Variants in RO60 observed in about 807,000 individuals in gnomAD.
RO60 encodes the protein Ro60, Y RNA binding protein, also known as RNA-binding protein RO60.
In RO60, 20 loss-of-function variants were observed where a neutral mutation model predicts 55.3. That is an observed-to-expected ratio of 0.36 (90% CI 0.25 to 0.53). The LOEUF (loss-of-function observed/expected upper bound fraction) is 0.53. Ranked by LOEUF, RO60 falls within the 20% of genes least tolerant of loss-of-function variation. The pLI, the probability that RO60 is intolerant of heterozygous loss-of-function variation, is 0.92. For synonymous variants in RO60, 213 were observed against 213.6 expected, an observed-to-expected ratio of 1.00 and a Z score of 0.02; for missense variants, 558 against 646.6, an observed-to-expected ratio of 0.86 and a Z score of 1.49.
chr1:193,068,733 G>A (rs1179826794), intron 1 of RO60, among the ~76,000 whole-genome samples: 1 of 152,122 alleles, frequency 6.6e-6, no homozygotes, highest in Non-Finnish European at 1.5e-5. Context: ...GCTGTGAAGG[G>A]CTTTTAGTTT....
At chr1:193,060,383 C>T (rs895925843) in intron 1 of RO60, 1 of 243,060 alleles carries the variant, frequency 4.1e-6, no homozygotes, top group Non-Finnish European at 8.3e-6. Flanking sequence ...TACTAAATTG[C>T]CCTCATTCAG....
At chr1:193,066,811 A>C (rs1673139402) in intron 1 of RO60, among the ~76,000 whole-genome samples, 1 of 152,168 alleles carries the variant, frequency 6.6e-6, no homozygotes, top group African/African-American at 2.4e-5. Flanking sequence ...TTATGGCTCT[A>C]CAGGATGCTT....
chr1:193,061,553 A>G (rs1672736535), intron 1 of RO60, among the ~76,000 whole-genome samples: 1 of 152,384 alleles, frequency 6.6e-6, no homozygotes, highest in Middle Eastern at 3.4e-3. Context: ...GATACTGTAT[A>G]TGCTGTAGTT....
At position 193,076,484 on chromosome 1, in the gene RO60, C is replaced by T; in HGVS notation, c.802-17C>T. ...TTCCCTTAATTCCTGGTATTTCTGC[C>T]TATGTTATTGCAATAGGTATGGAAG... On this transcript the variant is annotated splice_polypyrimidine_tract_variant and intron_variant, in intron 3 of 8. Transcript: ENST00000400968. 1 of 1,604,366 alleles carries T rather than the reference C, an allele frequency of 6.2e-7. No individual in the cohort carries two copies.
intron 2 of RO60, among the ~76,000 whole-genome samples, chr1:193,071,629 CT>C (rs1270432678): frequency 6.6e-6 from 1 of 151,760 alleles, no homozygotes; most frequent in Non-Finnish European, 1.5e-5. Context: ...CATTTGAACA[CT>C]TAACTGTTGT....
rs1051505802 is a variant in RO60, at chr1:193,089,586, T to C, written c.*4855T>C. 2 of 152,112 alleles carry C rather than the reference T, an allele frequency of 1.3e-5. No individual in the cohort carries two copies. The highest frequency in any genetic ancestry group is 6.5e-5 in the Admixed American group (1 of 15,276). 9.4% of individuals were successfully genotyped at this position (152,112 alleles called of 1,614,324 possible). On this transcript the variant is annotated 3_prime_UTR_variant, in exon 9 of 9. Coordinates refer to ENST00000400968, the MANE Select transcript of RO60 (RefSeq NM_001173524.2). ...TAAACCCTGAAAATACCAAGTTATA[T>C]TGGAAAATAGTGGAAAGAAAAAACT...
At chr1:193,083,293 T>A (rs567914526) in intron 8 of RO60, among the ~76,000 whole-genome samples, 1 of 152,346 alleles carries the variant, frequency 6.6e-6, no homozygotes, top group African/African-American at 2.4e-5. Flanking sequence ...AAGTTTTTTT[T>A]AATAATTCAG....
chr1:193,076,446 A>G, intron 3 of RO60, 55 bp from the exon 4 acceptor site: 2 of 1,569,866 alleles, frequency 1.3e-6, no homozygotes, highest in Non-Finnish European at 1.7e-6. Context: ...TAGGTATGTT[A>G]TACTGATTTA....
intron 5 of RO60, among the ~76,000 whole-genome samples, chr1:193,079,332 G>A (rs961222770): frequency 6.6e-5 from 10 of 151,946 alleles, no homozygotes; most frequent in African/African-American, 2.2e-4. Context: ...CAAGTGATCC[G>A]CCCACCTTGG....
rs1674631644 is a variant in RO60 at position 193,086,536 on chromosome 1, A to G, written c.*1805A>G. On this transcript the variant is annotated 3_prime_UTR_variant, in exon 9 of 9. Transcript: ENST00000400968. ...CGTTCAGATTGAATTTAAAGTTTAA[A>G]GAAACTAATAGAATTACGTAATAGT... 6.6e-6 allele frequency: 1 copy of G among 152,198 alleles called. No individual in the cohort carries two copies. Among genetic ancestry groups the G allele is most frequent in the Non-Finnish European group, 1.5e-5 (1 of 68,004 alleles). The allele number at this position is 152,198 out of a possible 1,614,324, so 9.4% of individuals were successfully genotyped here.
chr1:193,060,173 G>A (rs1672437596), intron 1 of RO60: 1 of 1,091,212 alleles, frequency 9.2e-7, no homozygotes, highest in Non-Finnish European at 1.2e-6. Flanking sequence ...GATCTTTGTG[G>A]GAAGACAGGG....
intron 1 of RO60, among the ~76,000 whole-genome samples, chr1:193,061,016 G>A (rs1423896662): frequency 1.3e-5 from 2 of 152,122 alleles, no homozygotes; most frequent in Non-Finnish European, 2.9e-5. Context: ...ATTGTAGAAA[G>A]ACCAAACTGA....
At position 193,085,487 on chromosome 1, in the gene RO60, T is replaced by C. The variant is rs1019282414; in HGVS notation, c.*756T>C. On this transcript the variant is annotated 3_prime_UTR_variant, in exon 9 of 9. Coordinates refer to ENST00000400968, the MANE Select transcript of RO60 (RefSeq NM_001173524.2). ...TGTTATATTTTATTGCTACAAGGGG[T>C]GTGACTTGATAATGATTTCCTCTGA... 3 of 983,898 alleles carry C rather than the reference T, an allele frequency of 3.0e-6. No individual in the cohort carries two copies. The highest frequency in any genetic ancestry group is 3.6e-6 in the Non-Finnish European group (3 of 829,610). 60.9% of individuals were successfully genotyped at this position (983,898 alleles called of 1,614,324 possible). A position where few individuals can be genotyped will look rare whatever the true frequency, so the allele number is the denominator to read the frequency against.
At position 193,088,231 on chromosome 1, in the gene RO60, C is replaced by G. The variant is rs111960034; in HGVS notation, c.*3500C>G. On this transcript the variant is annotated 3_prime_UTR_variant, in exon 9 of 9. Coordinates refer to ENST00000400968, the MANE Select transcript of RO60 (RefSeq NM_001173524.2). ...CTCACTGTGTTGCCCAGGCTGGTGT[C>G]AAACTCCTGGGCTCAAGGGATCTTC... 3.2e-5 allele frequency: 4 copies of G among 126,948 alleles called. No individual in the cohort carries two copies. Among genetic ancestry groups the G allele is most frequent in the African/African-American group, 9.0e-5 (3 of 33,204 alleles). 7.9% of individuals were successfully genotyped at this position (126,948 alleles called of 1,614,324 possible).
rs1240020505 is a variant in RO60, at chr1:193,091,035, GTTTT to G, written c.*6307_*6310del. ...CAGTAATATTTTATGATAGTTTAAG[GTTTT>G]TTATTGTTTTCTATAACAAGTTATC... is the stretch of plus-strand genomic sequence containing the variant. On this transcript the variant is annotated 3_prime_UTR_variant, in exon 9 of 9. Coordinates refer to ENST00000400968, the MANE Select transcript of RO60 (RefSeq NM_001173524.2). 1 of 152,154 alleles carries G rather than the reference GTTTT, an allele frequency of 6.6e-6. No homozygotes were observed. Among genetic ancestry groups the G allele is most frequent in the Non-Finnish European group, 1.5e-5 (1 of 68,016 alleles). The allele number at this position is 152,154 out of a possible 1,614,324, so 9.4% of individuals were successfully genotyped here. A position where few individuals can be genotyped will look rare whatever the true frequency, so the allele number is the denominator to read the frequency against.
Position 193,081,465 on chromosome 1 carries a change from T to C in RO60, c.1188T>C (p.Ala396=), listed in dbSNP as rs1674309139. The part of the protein sequence containing the change: ...LGSILNASTV[A]AAMCMVVTRT... ...GTATACTCAACGCTAGTACAGTTGC[T>C]GCAGCAATGTGCATGGTGAGAACAC... Residue 396 remains alanine, a synonymous_variant, in exon 6 of 9, where the codon GCT becomes GCC. Transcript: ENST00000400968. 4.4e-6 allele frequency: 7 copies of C among 1,604,646 alleles called. No individual in the cohort carries two copies. In the East Asian group the frequency reaches 1.6e-4, roughly 36 times the overall value.
At position 193,085,263 on chromosome 1, in the gene RO60, A is replaced by G; in HGVS notation, c.*532A>G. ...TGATTAAATTATGAATGAGTTTTACAAATTCCTTTCAGAGTTTTACTAAGA... is the reference window on the plus strand; with the variant it reads ...TGATTAAATTATGAATGAGTTTTACGAATTCCTTTCAGAGTTTTACTAAGA... On this transcript the variant is annotated 3_prime_UTR_variant, in exon 9 of 9. Coordinates refer to ENST00000400968, the MANE Select transcript of RO60 (RefSeq NM_001173524.2). 1 of 1,122,544 alleles carries G rather than the reference A, an allele frequency of 8.9e-7. No homozygotes were observed. The highest frequency in any genetic ancestry group is 1.1e-6 in the Non-Finnish European group (1 of 915,924). The allele number at this position is 1,122,544 out of a possible 1,614,324, so 69.5% of individuals were successfully genotyped here.
chr1:193,060,185 G>C, intron 1 of RO60: 1 of 1,035,522 alleles, frequency 9.7e-7, no homozygotes, highest in Non-Finnish European at 1.2e-6. Context: ...AAGACAGGGT[G>C]AATTTATCAC....
At chr1:193,060,180 A>C in intron 1 of RO60, 1 of 1,071,594 alleles carries the variant, frequency 9.3e-7, no homozygotes. Flanking sequence ...GTGGGAAGAC[A>C]GGGTGAATTT....
Sources: allele counts gnomAD v4.1 joint callset (sites outside exome capture counted in the v4.1 genomes callset), GRCh38; gene constraint gnomAD v4.1.1; transcripts MANE v1.5; gene names NCBI Gene and HGNC (gene_info 2026-07-23, HGNC 2026-07-21).